TRIM23: variants seen among roughly 807,000 people sequenced by gnomAD.
TRIM23 encodes the protein E3 ubiquitin-protein ligase TRIM23.
In TRIM23, 27 loss-of-function variants were observed where a neutral mutation model predicts 71.0. That is an observed-to-expected ratio of 0.38 (90% confidence interval 0.28 to 0.52). The LOEUF is 0.52. TRIM23 is among the 20% of genes least tolerant of loss of function. TRIM23 has a pLI of 0.84. For missense variants in TRIM23, 482 were observed against 692.3 expected (o/e 0.70, Z 3.41); for synonymous variants, 234 against 238.0 (o/e 0.98, Z 0.16).
chr5:65,590,379 GC>G lies in TRIM23; in HGVS notation c.*1389del. On this transcript the variant is annotated 3_prime_UTR_variant, in exon 11 of 11. Coordinates refer to ENST00000231524, the MANE Select transcript of TRIM23 (RefSeq NM_001656.4). ...AATACTGATAGGCTTTTTTTTTAAT[GC>G]TTTGTTTTCTAAAACTTGTATTGTT... The G allele has an allele frequency of 7.0e-7, 1 of 1,425,008 alleles. No individual in the cohort carries two copies. The highest frequency in any genetic ancestry group is 9.3e-7 in the Non-Finnish European group (1 of 1,078,278). The allele number at this position is 1,425,008 out of a possible 1,614,324, so 88.3% of individuals were successfully genotyped here. A position where few individuals can be genotyped will look rare whatever the true frequency, so the allele number is the denominator to read the frequency against.
chr5:65,617,941 GA>G, intron 2 of TRIM23, 151 bp downstream of exon 2: 1 of 751,868 alleles, frequency 1.3e-6, no homozygotes. Context: ...TTTATAGCTT[GA>G]AGATTATTGA....
intron 3 of TRIM23, chr5:65,613,579 G>T: frequency 1.9e-6 from 1 of 527,230 alleles, no homozygotes; most frequent in Non-Finnish European, 2.5e-6. Context: ...CATGGATTCT[G>T]ATATTTACTA....
intron 10 of TRIM23, among the ~76,000 whole-genome samples, chr5:65,592,825 C>A (rs1167365114): frequency 6.6e-6 from 1 of 152,160 alleles, no homozygotes; most frequent in Non-Finnish European, 1.5e-5. Context: ...ATTATCAGCA[C>A]AGATGGTCTG....
intron 1 of TRIM23, 53 bp downstream of exon 1, chr5:65,624,141 G>A: frequency 6.2e-7 from 1 of 1,610,388 alleles, no homozygotes; most frequent in Non-Finnish European, 8.5e-7. Context: ...AGGTCTCCAG[G>A]ATGAACCGAA....
chr5:65,613,588 T>C (rs2150637888), intron 3 of TRIM23: 1 of 571,564 alleles, frequency 1.7e-6, no homozygotes, highest in South Asian at 5.7e-5. Context: ...TGATATTTAC[T>C]AGACATCTAC....
At chr5:65,592,957 CACAT>C (rs910109135) in intron 10 of TRIM23, among the ~76,000 whole-genome samples, 3 of 152,092 alleles carry the variant, frequency 2.0e-5, no homozygotes, top group Non-Finnish European at 2.9e-5. Flanking sequence ...CATATATATA[CACAT>C]ACATACATAA....
In TRIM23 at chr5:65,611,786, A is replaced by G; in HGVS notation, c.462T>C (p.Thr154=). 1 of 1,614,190 alleles carries G rather than the reference A, an allele frequency of 6.2e-7. No individual in the cohort carries two copies. Among genetic ancestry groups the G allele is most frequent in the Non-Finnish European group, 8.5e-7 (1 of 1,180,036 alleles). Residue 154 remains threonine, a synonymous_variant, in exon 4 of 11, where the codon ACT becomes ACC. Coordinates refer to ENST00000231524, the MANE Select transcript of TRIM23 (RefSeq NM_001656.4). ...GCTTTGCTAATGTCTTTGTAGAATG[A>G]GTAACTTGAGAACACTCAGAGCACA... ...THLCSECSQV[T]HSTKTLAKHR...
chr5:65,623,306 G>A (rs1026609772), intron 1 of TRIM23, among the ~76,000 whole-genome samples: 21 of 152,174 alleles, frequency 1.4e-4, no homozygotes, highest in Admixed American at 1.4e-3. Flanking sequence ...AGAACTGGAG[G>A]AGGAGTGCAT....
chr5:65,591,069 T>C lies in TRIM23; in HGVS notation c.*700A>G, dbSNP rs1442049200. 1 of 998,386 alleles carries C rather than the reference T, an allele frequency of 1.0e-6. No individual in the cohort carries two copies. The allele number at this position is 998,386 out of a possible 1,614,324, so 61.8% of individuals were successfully genotyped here. ...TCAGATCCAATTACTTCCACAGTTT[T>C]ATTACTGTTCAGTTTATTACTAACC... On this transcript the variant is annotated 3_prime_UTR_variant, in exon 11 of 11. Coordinates refer to ENST00000231524, the MANE Select transcript of TRIM23 (RefSeq NM_001656.4).
intron 7 of TRIM23, among the ~76,000 whole-genome samples, chr5:65,603,047 A>G (rs928009707): frequency 3.3e-5 from 5 of 152,214 alleles, no homozygotes; most frequent in African/African-American, 1.2e-4. Context: ...GCCAAGTGGA[A>G]TAAGCCAGCC....
At position 65,590,679 on chromosome 5, in the gene TRIM23, T is replaced by C; in HGVS notation, c.*1090A>G. The C allele has an allele frequency of 1.0e-6, 1 of 985,180 alleles. No homozygotes were observed. The highest frequency in any genetic ancestry group is 1.8e-5 in the African/African-American group (1 of 56,874). The allele number at this position is 985,180 out of a possible 1,614,324, so 61.0% of individuals were successfully genotyped here. On this transcript the variant is annotated 3_prime_UTR_variant, in exon 11 of 11. Coordinates refer to ENST00000231524, the MANE Select transcript of TRIM23 (RefSeq NM_001656.4). ...ACACTGAATAATTAATGTAAACTTT[T>C]TGAATTTTTTTTTTCTTTAGACATT...
chr5:65,600,933 C>G (rs1393322461), intron 7 of TRIM23, among the ~76,000 whole-genome samples: 1 of 152,112 alleles, frequency 6.6e-6, no homozygotes, highest in Admixed American at 6.5e-5. Context: ...GATATCAAAA[C>G]AAATAAGGTA....
Position 65,590,556 on chromosome 5 carries a change from A to C in TRIM23, c.*1213T>G, listed in dbSNP as rs947186090. 8 of 1,096,300 alleles carry C rather than the reference A, an allele frequency of 7.3e-6. No homozygotes were observed. The South Asian group carries it at 1.3e-4, about 18-fold the overall frequency. 67.9% of individuals were successfully genotyped at this position (1,096,300 alleles called of 1,614,324 possible). Reference sequence around the variant, plus strand: ...TAATGTATCAGAACATTAAAAAAAAAAAAGTCTCAATGTACCTATTTAAAT... The same window carrying C: ...TAATGTATCAGAACATTAAAAAAAACAAAGTCTCAATGTACCTATTTAAAT... On this transcript the variant is annotated 3_prime_UTR_variant, in exon 11 of 11. Coordinates refer to ENST00000231524, the MANE Select transcript of TRIM23 (RefSeq NM_001656.4).
intron 3 of TRIM23, 42 bp downstream of exon 3, chr5:65,614,056 A>C (rs1439806674): frequency 6.3e-7 from 1 of 1,594,920 alleles, no homozygotes; most frequent in East Asian, 2.2e-5. Flanking sequence ...TAAAAGAAAA[A>C]TTCATGCTCG....
At chr5:65,624,091 G>T (rs1755038971) in intron 1 of TRIM23, 103 bp downstream of exon 1, 1 of 1,374,856 alleles carries the variant, frequency 7.3e-7, no homozygotes, top group Non-Finnish European at 1.0e-6. Flanking sequence ...CAGAGGCCGC[G>T]CATCCCACCT....
intron 2 of TRIM23, among the ~76,000 whole-genome samples, chr5:65,616,834 G>A (rs965886989): frequency 1.3e-5 from 2 of 151,522 alleles, no homozygotes; most frequent in African/African-American, 4.8e-5. Flanking sequence ...CGATTCTCCT[G>A]CCTCAGCCTC....
chr5:65,608,308 C>A (rs1754559630), intron 6 of TRIM23, among the ~76,000 whole-genome samples: 1 of 151,988 alleles, frequency 6.6e-6, no homozygotes, highest in Non-Finnish European at 1.5e-5. Context: ...AGAGTTCTAG[C>A]CCTAGTATCA....
chr5:65,606,286 A>C (rs974305756), intron 6 of TRIM23, among the ~76,000 whole-genome samples: 1 of 152,038 alleles, frequency 6.6e-6, no homozygotes, highest in Non-Finnish European at 1.5e-5. Flanking sequence ...TCTACGAAAA[A>C]TACAAAAAAA....
chr5:65,603,875 A>C (rs1754426879), intron 7 of TRIM23, among the ~76,000 whole-genome samples: 1 of 152,196 alleles, frequency 6.6e-6, no homozygotes, highest in South Asian at 2.1e-4. Flanking sequence ...ACAATCTGAG[A>C]AATTTGAATA....
Sources: gnomAD v4.1 joint callset for allele counts (sites outside exome capture counted in the v4.1 genomes callset) on GRCh38, gnomAD v4.1.1 for gene constraint, MANE v1.5 for transcripts, NCBI Gene and HGNC (gene_info 2026-07-23, HGNC 2026-07-21) for gene names.